The following FSTL4 variants were observed in gnomAD, a reference collection of about 807,000 sequenced individuals.
FSTL4 encodes follistatin like 4, also known as follistatin-related protein 4.
FSTL4 carries 28 observed loss-of-function variants against 78.2 expected under a neutral mutation model. That is an observed-to-expected ratio of 0.36 (90% CI 0.27 to 0.49). FSTL4 has a LOEUF of 0.49. Ranked by LOEUF, FSTL4 falls within the 20% of genes least tolerant of loss-of-function variation. The pLI is 0.98. For synonymous variants in FSTL4, 422 were observed against 440.5 expected (o/e 0.96, Z 0.53); for missense variants, 922 against 1,084.9 (o/e 0.85, Z 2.11).
intron 3 of FSTL4, among the ~76,000 whole-genome samples, chr5:133,484,051 C>T (rs1258822379): frequency 6.6e-6 from 1 of 152,236 alleles, no homozygotes; most frequent in Non-Finnish European, 1.5e-5. Flanking sequence ...CCTTTCACTT[C>T]CTTCTACCTT....
chr5:133,604,600 TCAGGAGGCTGGGG>T lies in FSTL4; in HGVS notation c.-10-620_-10-608del, dbSNP rs1760937441. Among the ~76,000 whole-genome samples, 3 of 152,188 alleles carry T rather than the reference TCAGGAGGCTGGGG, an allele frequency of 2.0e-5. No individual in the cohort carries two copies. In the South Asian group the frequency reaches 6.2e-4, roughly 32 times the overall value. ...AGCAGGCACCTGTAATTCCAGCTAC[TCAGGAGGCTGGGG>T]CAGGAGAATCGCTTGAACTCGGGAG... On this transcript the variant is annotated intron_variant, in intron 1 of 15. Transcript: ENST00000265342.
At chr5:133,313,748 AAG>A (rs1753841652) in intron 5 of FSTL4, among the ~76,000 whole-genome samples, 1 of 152,166 alleles carries the variant, frequency 6.6e-6, no homozygotes, top group South Asian at 2.1e-4. Flanking sequence ...CCAAGCAAGT[AAG>A]AGTGTTCGAT....
Position 133,198,731 on chromosome 5 carries a change from C to A in FSTL4, c.*364G>T, listed in dbSNP as rs1374398450. 1 of 172,506 alleles carries A rather than the reference C, an allele frequency of 5.8e-6. No homozygotes were observed. Among genetic ancestry groups the A allele is most frequent in the East Asian group, 1.6e-4 (1 of 6,170 alleles). The allele number at this position is 172,506 out of a possible 1,614,324, so 10.7% of individuals were successfully genotyped here. Reference sequence around the variant, plus strand: ...CAGGGCAAAGTCTGGCTGGGTCTGGCAGTAAGGGACAATGACTATGTGAAG... The same window carrying A: ...CAGGGCAAAGTCTGGCTGGGTCTGGAAGTAAGGGACAATGACTATGTGAAG... On this transcript the variant is annotated 3_prime_UTR_variant, in exon 16 of 16. Transcript: ENST00000265342.
intron 2 of FSTL4, among the ~76,000 whole-genome samples, chr5:133,579,768 G>A (rs1283010610): frequency 4.6e-5 from 7 of 152,176 alleles, no homozygotes; most frequent in African/African-American, 7.2e-5. Context: ...GACAAAAAAG[G>A]AAGAAAGTGT....
chr5:133,395,256 C>T (rs554482415), intron 4 of FSTL4, among the ~76,000 whole-genome samples: 2 of 152,308 alleles, frequency 1.3e-5, no homozygotes, highest in East Asian at 3.9e-4. Flanking sequence ...TGGGTCCGCA[C>T]TGCCTTAGGT....
chr5:133,801,424 C>T, the FSTL4 span, among the ~76,000 whole-genome samples: 1 of 152,224 alleles, frequency 6.6e-6, no homozygotes, highest in African/African-American at 2.4e-5. Flanking sequence ...CTCCACACCA[C>T]CGTGTCCCAA....
chr5:133,340,591 G>C (rs1208165856), intron 4 of FSTL4, among the ~76,000 whole-genome samples: 1 of 152,068 alleles, frequency 6.6e-6, no homozygotes, highest in Non-Finnish European at 1.5e-5. Context: ...ACATTTCCTG[G>C]TATCTCTAAA....
chr5:133,689,046 A>G, the FSTL4 span, among the ~76,000 whole-genome samples: 1 of 152,028 alleles, frequency 6.6e-6, no homozygotes, highest in South Asian at 2.1e-4. Flanking sequence ...TGGGTCCCCA[A>G]GCAGGGCCCT....
At chr5:133,737,338 A>G in the FSTL4 span, among the ~76,000 whole-genome samples, 1 of 152,082 alleles carries the variant, frequency 6.6e-6, no homozygotes, top group Non-Finnish European at 1.5e-5. Context: ...AGATCCCACA[A>G]ATAAGTGAGA....
the FSTL4 span, among the ~76,000 whole-genome samples, chr5:133,839,342 T>C: frequency 6.6e-6 from 1 of 152,206 alleles, no homozygotes; most frequent in Non-Finnish European, 1.5e-5. Flanking sequence ...ACAAAGAATA[T>C]TCTGTAAAAA....
intron 6 of FSTL4, among the ~76,000 whole-genome samples, chr5:133,263,428 C>T (rs1752575937): frequency 6.6e-6 from 1 of 151,902 alleles, no homozygotes; most frequent in Admixed American, 6.6e-5. Flanking sequence ...AGAGGATGGG[C>T]AGGGGCCAGT....
rs545032446 is a variant in FSTL4, at chr5:133,304,665, A to C, written c.727+7989T>G. Among the ~76,000 whole-genome samples the C allele has an allele frequency of 3.3e-5, 5 of 152,338 alleles. No individual in the cohort carries two copies. In the East Asian group the frequency reaches 9.6e-4, roughly 29 times the overall value. ...AGACTCAGCTCCAGACAATGACTAG[A>C]AAGTGCCCGGTCCCACCATGCAGCT... On this transcript the variant is annotated intron_variant, in intron 6 of 15. Coordinates refer to ENST00000265342, the MANE Select transcript of FSTL4 (RefSeq NM_015082.2).
chr5:133,641,350 C>T, the FSTL4 span, among the ~76,000 whole-genome samples: 1 of 152,098 alleles, frequency 6.6e-6, no homozygotes, highest in Non-Finnish European at 1.5e-5. Flanking sequence ...AGGGGCCATT[C>T]CATTTATTCT....
intron 4 of FSTL4, among the ~76,000 whole-genome samples, chr5:133,377,187 CT>C (rs1755455357): frequency 6.6e-6 from 1 of 152,206 alleles, no homozygotes; most frequent in Admixed American, 6.5e-5. Context: ...CCACTCAGCT[CT>C]GACTCATAAG....
At chr5:133,626,518 T>A in the FSTL4 span, among the ~76,000 whole-genome samples, 1 of 150,672 alleles carries the variant, frequency 6.6e-6, no homozygotes, top group South Asian at 2.1e-4. Context: ...TTCTAAGGTA[T>A]GCATTTAGTG....
At chr5:133,752,624 AAAATTAAATT>A in the FSTL4 span, among the ~76,000 whole-genome samples, 5 of 147,726 alleles carry the variant, frequency 3.4e-5, no homozygotes, top group African/African-American at 5.0e-5. Flanking sequence ...AAAATAAAAT[AAAATTAAATT>A]AAATTAAATT....
chr5:133,524,612 G>A (rs1164857286), intron 3 of FSTL4, among the ~76,000 whole-genome samples: 5 of 152,190 alleles, frequency 3.3e-5, no homozygotes, highest in African/African-American at 9.7e-5. Context: ...TCCAAGCTGC[G>A]TCTCTTTGGA....
chr5:133,562,292 A>G (rs1190939644), intron 3 of FSTL4, among the ~76,000 whole-genome samples: 1 of 152,232 alleles, frequency 6.6e-6, no homozygotes, highest in African/African-American at 2.4e-5. Context: ...CAGGGAACTG[A>G]GAGATCCAGA....
chr5:133,712,326 G>A, the FSTL4 span, among the ~76,000 whole-genome samples: 1 of 152,194 alleles, frequency 6.6e-6, no homozygotes, highest in Non-Finnish European at 1.5e-5. Flanking sequence ...TTATAAGTAG[G>A]CCTGTGGGGT....
Sources: gnomAD v4.1 joint callset for allele counts (sites outside exome capture counted in the v4.1 genomes callset) on GRCh38, gnomAD v4.1.1 for gene constraint, MANE v1.5 for transcripts, NCBI Gene and HGNC (gene_info 2026-07-23, HGNC 2026-07-21) for gene names.